Variants in ANO7 observed in about 807,000 individuals in gnomAD.
ANO7 encodes anoctamin 7, also known as anoctamin-7.
A neutral mutation model predicts 115.8 loss-of-function variants in ANO7; 114 were observed. The ratio of observed to expected loss-of-function variants is 0.98; its 90% CI spans 0.85 to 1.15. The LOEUF (loss-of-function observed/expected upper bound fraction) is 1.15, where lower values mean the gene tolerates loss of function less well. Among genes scored for constraint, ANO7 ranks in the 50% most tolerant of loss-of-function variants. ANO7 has a pLI of 0.00. For missense variants in ANO7, 1,302 were observed against 1,201.2 expected (o/e 1.08, Z -1.24); for synonymous variants, 550 against 498.2 (o/e 1.10, Z -1.38).
chr2:241,208,383 C>T lies in ANO7; in HGVS notation c.1077+713C>T, dbSNP rs899145902. 2.6e-5 allele frequency among the ~76,000 whole-genome samples: 4 copies of T among 152,216 alleles called. No individual in the cohort carries two copies. The East Asian group carries it at 7.7e-4, about 29-fold the overall frequency. On this transcript the variant is annotated intron_variant, in intron 11 of 24. Coordinates refer to ENST00000674324, the MANE Select transcript of ANO7 (RefSeq NM_001370694.2). ...CCTGGTTTCTGGTGCTGCTGGCAGT[C>T]CTTGGTCCTCCCTGGCTTGTGGCCG...
At chr2:241,215,276 G>A (rs548631219) in intron 18 of ANO7, among the ~76,000 whole-genome samples, 1 of 152,348 alleles carries the variant, frequency 6.6e-6, no homozygotes, top group African/African-American at 2.4e-5. Flanking sequence ...CAGCACAAGA[G>A]GGAGGAGGAA....
the ANO7 span, chr2:241,238,733 T>A: frequency 1.3e-6 from 2 of 1,581,822 alleles, no homozygotes; most frequent in Non-Finnish European, 1.7e-6. The surrounding 1 kb of genome is among the most constrained non-coding windows in gnomAD (Gnocchi z 4.9). Context: ...TTGGGGCCCA[T>A]GACAGATCGA....
the ANO7 span, chr2:241,231,026 G>T: frequency 8.3e-7 from 1 of 1,198,104 alleles, no homozygotes; most frequent in South Asian, 1.3e-5. Context: ...CCACTGCTGA[G>T]GAAAACAGCT....
intron 3 of ANO7, among the ~76,000 whole-genome samples, chr2:241,194,263 ATT>A (rs1426292278): frequency 6.7e-6 from 1 of 148,184 alleles, no homozygotes; most frequent in East Asian, 2.0e-4. Flanking sequence ...TACTTGGAAA[ATT>A]TCACTGCCTA....
rs2074842 is a variant in ANO7 at position 241,203,093 on chromosome 2, G to A, written c.724-240G>A. Among the ~76,000 whole-genome samples the A allele has an allele frequency of 0.045, 6,859 of 152,160 alleles. 759 individuals carry two copies. The East Asian group carries it at 0.46, about 10-fold the overall frequency. ...GGGTGGCCTCTCCAGGCCCTTCCCC[G>A]CCCTGAACCCTCGAAGTCCAGGAGT... On this transcript the variant is annotated intron_variant, in intron 8 of 24. Transcript: ENST00000674324. The surrounding 1 kb of genome is among the most constrained non-coding windows in gnomAD (Gnocchi z 4.8).
At chr2:241,201,250 A>G (rs2068463228) in intron 6 of ANO7, 48 bp from the exon 7 acceptor site, 1 of 1,529,252 alleles carries the variant, frequency 6.5e-7, no homozygotes, top group South Asian at 1.2e-5. Flanking sequence ...CACCGTTCAC[A>G]TGCCCACAGC....
At chr2:241,191,170 T>G (rs771824014) in intron 2 of ANO7, 24 bp from the exon 3 acceptor site, 2 of 1,613,640 alleles carry the variant, frequency 1.2e-6, no homozygotes, top group Non-Finnish European at 1.7e-6. Context: ...GCTGATATGC[T>G]TCTCCATCCT....
chr2:241,221,963 G>T (rs374139106), intron 21 of ANO7, among the ~76,000 whole-genome samples: 1 of 152,118 alleles, frequency 6.6e-6, no homozygotes, highest in African/African-American at 2.4e-5. Context: ...GGCCGGGCGC[G>T]GGGGCTCATG....
intron 4 of ANO7, among the ~76,000 whole-genome samples, chr2:241,197,583 T>G (rs553519437): frequency 4.4e-4 from 66 of 151,598 alleles, no homozygotes; most frequent in Middle Eastern, 3.2e-3. Flanking sequence ...CTCACTTTGT[T>G]GCCCTGGCTG....
chr2:241,222,599 T>A (rs966138541), intron 21 of ANO7, among the ~76,000 whole-genome samples: 4 of 152,234 alleles, frequency 2.6e-5, no homozygotes, highest in African/African-American at 7.2e-5. Flanking sequence ...TTGTTTTTTT[T>A]ATTTTCCTAC....
chr2:241,199,333 G>A lies in ANO7; in HGVS notation c.327G>A (p.Gly109=). Residue 109 remains glycine (G), a synonymous_variant, in exon 5 of 25, where the codon GGG becomes GGA. Transcript: ENST00000674324. Reference sequence around the variant, plus strand: ...GCCTACAGCAGGACGTCCAGGACGGGAACACCACAGTGCACTACGCCCTCC... The same window carrying A: ...GCCTACAGCAGGACGTCCAGGACGGAAACACCACAGTGCACTACGCCCTCC... The part of the protein sequence containing the change: ...LCVDQQDVQD[G]NTTVHYALLS... 6.2e-7 allele frequency: 1 copy of A among 1,613,688 alleles called. No homozygotes were observed. Among genetic ancestry groups the A allele is most frequent in the Non-Finnish European group, 8.5e-7 (1 of 1,180,010 alleles).
downstream of ANO7, among the ~76,000 whole-genome samples, chr2:241,226,632 G>C (rs985376464): frequency 6.6e-6 from 1 of 152,128 alleles, no homozygotes; most frequent in African/African-American, 2.4e-5. Flanking sequence ...CACCGTGTTA[G>C]CCAGGATGGT....
At chr2:241,231,144 G>C in the ANO7 span, 1 of 529,016 alleles carries the variant, frequency 1.9e-6, no homozygotes, top group Middle Eastern at 5.2e-4. Flanking sequence ...CAGCACTTTG[G>C]GAGGCCGAGG....
At chr2:241,230,030 C>A (rs1420731486), downstream of ANO7, 6 of 1,579,250 alleles carry the variant, frequency 3.8e-6, no homozygotes, top group East Asian at 2.2e-5. This position sits in a 1 kb window ranked among gnomAD's most constrained non-coding sequence, Gnocchi z 5.0. Context: ...CGCCTGCTCA[C>A]CCCTGCACCT....
chr2:241,199,258 A>G (rs2068412384), intron 4 of ANO7, 58 bp from the exon 5 acceptor site: 6 of 1,408,086 alleles, frequency 4.3e-6, no homozygotes, highest in Non-Finnish European at 2.0e-6. Flanking sequence ...GGACACACAC[A>G]TGTGCATACG....
chr2:241,224,192 C>G lies in ANO7; in HGVS notation c.*39C>G. On this transcript the variant is annotated 3_prime_UTR_variant, in exon 25 of 25. Transcript: ENST00000674324. ...ATCTGGTGGTCCTTAGGGGAGTGGC[C>G]CCTCCTGAGCCCTGCGAGCAGCGTC... 7 of 1,606,756 alleles carry G rather than the reference C, an allele frequency of 4.4e-6. No individual in the cohort carries two copies. The highest frequency in any genetic ancestry group is 6.0e-6 in the Non-Finnish European group (7 of 1,174,286).
At position 241,200,134 on chromosome 2, in the gene ANO7, T is replaced by C. The variant is rs1161773181; in HGVS notation, c.463T>C (p.Trp155Arg). 6.2e-7 allele frequency: 1 copy of C among 1,613,274 alleles called. No individual in the cohort carries two copies. The highest frequency in any genetic ancestry group is 2.2e-5 in the East Asian group (1 of 44,866). Residue 155 changes from tryptophan (W) to arginine (R), a missense_variant, in exon 6 of 25, where the codon TGG becomes CGG. Transcript: ENST00000674324. ...ASNWSAGLLA[W>R]LGIPNVLLEV... is the part of the protein sequence containing the mutation. ...CAACTGGTCGGCCGGCCTGCTGGCA[T>C]GGCTGGGCATCCCCAACGTCCTGCT...
the ANO7 span, chr2:241,236,453 A>AC: frequency 2.8e-6 from 2 of 705,902 alleles, no homozygotes; most frequent in Non-Finnish European, 4.8e-6. Context: ...CTCTGTGTCC[A>AC]GCCGAGAAGC....
At chr2:241,198,088 T>C (rs1004342111) in intron 4 of ANO7, among the ~76,000 whole-genome samples, 5 of 152,180 alleles carry the variant, frequency 3.3e-5, no homozygotes, top group African/African-American at 1.2e-4. Context: ...CCTGGTTGGT[T>C]TTAACCTGCT....
Sources: allele counts gnomAD v4.1 joint callset (sites outside exome capture counted in the v4.1 genomes callset), GRCh38; gene constraint gnomAD v4.1.1; non-coding constraint Gnocchi (gnomAD v3.1); transcripts MANE v1.5; gene names NCBI Gene and HGNC (gene_info 2026-07-23, HGNC 2026-07-21).